SMYD3: variants seen among roughly 807,000 people sequenced by gnomAD.
SMYD3 encodes the protein histone-lysine N-methyltransferase SMYD3.
Under a neutral mutation model 57.7 loss-of-function variants are expected in SMYD3, and 36 were observed. The observed-to-expected ratio is 0.62, with a 90% CI of 0.48 to 0.82. SMYD3 has a LOEUF of 0.82. SMYD3 is among the 40% of genes least tolerant of loss of function. The pLI is 0.00. For synonymous variants in SMYD3, 211 were observed against 195.0 expected (o/e 1.08, Z -0.68); for missense variants, 515 against 538.8 (o/e 0.96, Z 0.44).
chr1:246,281,908 C>T (rs2064449736), intron 5 of SMYD3, among the ~76,000 whole-genome samples: 1 of 152,068 alleles, frequency 6.6e-6, no homozygotes, highest in Non-Finnish European at 1.5e-5. Context: ...ACTCCTAAAT[C>T]AGAGGACAAT....
intron 5 of SMYD3, among the ~76,000 whole-genome samples, chr1:246,046,141 T>G (rs1269458524): frequency 2.0e-5 from 3 of 152,144 alleles, no homozygotes; most frequent in African/African-American, 4.8e-5. Flanking sequence ...ACCCAAAGGA[T>G]TATAAATCAT....
At chr1:246,240,971 T>C (rs1315488499) in intron 5 of SMYD3, among the ~76,000 whole-genome samples, 2 of 152,154 alleles carry the variant, frequency 1.3e-5, no homozygotes, top group Non-Finnish European at 2.9e-5. Context: ...AAGTTGCTTA[T>C]GAGCTTAAGG....
chr1:246,030,244 G>T (rs2059647543), intron 5 of SMYD3, among the ~76,000 whole-genome samples: 2 of 152,200 alleles, frequency 1.3e-5, no homozygotes, highest in Middle Eastern at 3.4e-3. Context: ...CCATAGAAAA[G>T]AATGGAATCC....
chr1:246,311,861 G>A (rs2065086054), intron 5 of SMYD3, among the ~76,000 whole-genome samples: 1 of 152,176 alleles, frequency 6.6e-6, no homozygotes, highest in Non-Finnish European at 1.5e-5. Context: ...ACATTAGTTT[G>A]CTAATGTCAT....
At chr1:246,095,767 T>C (rs1042556209) in intron 5 of SMYD3, among the ~76,000 whole-genome samples, 9 of 152,134 alleles carry the variant, frequency 5.9e-5, no homozygotes, top group African/African-American at 2.2e-4. Flanking sequence ...TCCCAGCTAC[T>C]CAGGAAGCCA....
chr1:245,934,228 A>G (rs999227012), intron 5 of SMYD3, among the ~76,000 whole-genome samples: 3 of 152,216 alleles, frequency 2.0e-5, no homozygotes, highest in Admixed American at 6.5e-5. Flanking sequence ...ACTTAGTTTT[A>G]TTAAACCCTG....
At chr1:245,770,622 C>T (rs921142492) in intron 10 of SMYD3, among the ~76,000 whole-genome samples, 24 of 152,008 alleles carry the variant, frequency 1.6e-4, no homozygotes, top group Non-Finnish European at 3.2e-4. Context: ...AATTATAACC[C>T]GGCATACAAA....
intron 5 of SMYD3, among the ~76,000 whole-genome samples, chr1:246,246,933 TG>T (rs1469903687): frequency 6.6e-6 from 1 of 151,762 alleles, no homozygotes; most frequent in Non-Finnish European, 1.5e-5. Context: ...ATAATTAAAA[TG>T]TTTTTTAAAA....
At chr1:245,988,473 G>A (rs998637323) in intron 5 of SMYD3, 1 of 149,522 alleles carries the variant, frequency 6.7e-6, no homozygotes, top group Non-Finnish European at 1.5e-5. Context: ...GTGCTCATAA[G>A]CAAACGGCAC....
intron 5 of SMYD3, among the ~76,000 whole-genome samples, chr1:246,269,930 T>C (rs868029897): frequency 4.6e-5 from 7 of 152,282 alleles, no homozygotes; most frequent in East Asian, 1.9e-4. Flanking sequence ...AAGAACCATG[T>C]TGGTTCCTGA....
chr1:245,809,617 A>G (rs1445576055), intron 10 of SMYD3, among the ~76,000 whole-genome samples: 2 of 152,242 alleles, frequency 1.3e-5, no homozygotes, highest in Non-Finnish European at 2.9e-5. Flanking sequence ...CATTGTTTAG[A>G]TTCCCAAGTA....
intron 1 of SMYD3, among the ~76,000 whole-genome samples, chr1:246,505,234 A>G (rs547385473): frequency 6.6e-6 from 1 of 152,182 alleles, no homozygotes; most frequent in Non-Finnish European, 1.5e-5. Context: ...ATCGGTGGGA[A>G]GTAGAGTGAG....
chr1:246,326,496 G>A (rs1303177137), intron 5 of SMYD3: 51 of 575,836 alleles, frequency 8.9e-5, no homozygotes, highest in Middle Eastern at 3.4e-4. Flanking sequence ...TCAGGAGGCC[G>A]GGCGTGGCAG....
At chr1:245,763,362 G>C (rs1358789116) in intron 11 of SMYD3, among the ~76,000 whole-genome samples, 1 of 152,152 alleles carries the variant, frequency 6.6e-6, no homozygotes, top group Non-Finnish European at 1.5e-5. Context: ...ATGTGAAAAG[G>C]GCTCTCCTGG....
At chr1:245,829,670 C>G (rs922455392) in intron 10 of SMYD3, among the ~76,000 whole-genome samples, 2 of 152,026 alleles carry the variant, frequency 1.3e-5, no homozygotes, top group Admixed American at 6.6e-5. Context: ...AAATATATTT[C>G]TATATAAAAA....
chr1:245,788,486 A>G (rs2047139972), intron 10 of SMYD3, among the ~76,000 whole-genome samples: 1 of 152,154 alleles, frequency 6.6e-6, no homozygotes, highest in Admixed American at 6.5e-5. Context: ...CTTTACTTCC[A>G]ATTATTGAAA....
At chr1:245,926,043 C>T (rs1325153173) in intron 7 of SMYD3, among the ~76,000 whole-genome samples, 1 of 152,116 alleles carries the variant, frequency 6.6e-6, no homozygotes, top group Non-Finnish European at 1.5e-5. Context: ...CTGGGGAGGG[C>T]CTTCTTGCTG....
chr1:246,089,591 T>C (rs2060785282), intron 5 of SMYD3, among the ~76,000 whole-genome samples: 1 of 152,186 alleles, frequency 6.6e-6, no homozygotes, highest in Non-Finnish European at 1.5e-5. Flanking sequence ...CAGAAGCTTG[T>C]TGAAGATTTT....
intron 8 of SMYD3, among the ~76,000 whole-genome samples, chr1:245,900,094 T>C (rs2054084011): frequency 1.3e-5 from 2 of 152,172 alleles, no homozygotes; most frequent in Admixed American, 1.3e-4. Context: ...CCCATCTTGT[T>C]GGTTCTCCTT....
Sources: gnomAD v4.1 joint callset for allele counts (sites outside exome capture counted in the v4.1 genomes callset) on GRCh38, gnomAD v4.1.1 for gene constraint, MANE v1.5 for transcripts, NCBI Gene and HGNC (gene_info 2026-07-23, HGNC 2026-07-21) for gene names.